Variants in RANBP2 observed in about 807,000 individuals in gnomAD.
The protein encoded by RANBP2 is E3 SUMO-protein ligase RanBP2.
RANBP2 carries 57 observed loss-of-function variants against 303.6 expected under a neutral mutation model. The observed-to-expected ratio is 0.19, with a 90% CI of 0.15 to 0.23. The LOEUF (loss-of-function observed/expected upper bound fraction) is 0.23, where lower values mean the gene tolerates loss of function less well. RANBP2 is among the 10% of genes least tolerant of loss of function. The pLI is 1.00. For missense variants in RANBP2, 3,138 were observed against 3,780.8 expected, an observed-to-expected ratio of 0.83 and a Z score of 4.46; for synonymous variants, 1,167 against 1,301.5, an observed-to-expected ratio of 0.90 and a Z score of 2.23.
the RANBP2 span, among the ~76,000 whole-genome samples, chr2:109,321,138 C>T: frequency 1.3e-5 from 2 of 152,242 alleles, no homozygotes; most frequent in Non-Finnish European, 2.9e-5. Flanking sequence ...ACACACAAGA[C>T]GCCATGTGCA....
At chr2:108,817,745 C>T in the RANBP2 span, among the ~76,000 whole-genome samples, 1 of 152,154 alleles carries the variant, frequency 6.6e-6, no homozygotes, top group South Asian at 2.1e-4. Context: ...AGGAACACAG[C>T]TCTGTATATA....
At chr2:109,064,266 A>G in the RANBP2 span, among the ~76,000 whole-genome samples, 63,550 of 151,570 alleles carry the variant, frequency 0.42, 13,621 homozygotes, top group Middle Eastern at 0.53. Flanking sequence ...TCAGGAGATC[A>G]AGACCACGGT....
chr2:108,831,418 G>A, the RANBP2 span, among the ~76,000 whole-genome samples: 2 of 152,082 alleles, frequency 1.3e-5, no homozygotes, highest in Admixed American at 6.6e-5. Context: ...ATAAGAAAAA[G>A]TACTTTTTTA....
the RANBP2 span, among the ~76,000 whole-genome samples, chr2:108,954,490 G>T: frequency 6.6e-6 from 1 of 152,050 alleles, no homozygotes; most frequent in Non-Finnish European, 1.5e-5. Context: ...CTTGGAAAAG[G>T]CTCCCCACCC....
chr2:109,301,360 A>G, the RANBP2 span, among the ~76,000 whole-genome samples: 1 of 141,094 alleles, frequency 7.1e-6, no homozygotes, highest in African/African-American at 2.6e-5. Context: ...GTGTTTGTGT[A>G]TGTTTTGTGT....
At chr2:109,270,749 T>C in the RANBP2 span, among the ~76,000 whole-genome samples, 2 of 152,190 alleles carry the variant, frequency 1.3e-5, no homozygotes, top group African/African-American at 4.8e-5. Flanking sequence ...CTTATGTAGA[T>C]TGACCTTTCT....
At chr2:108,748,475 C>A (rs1675565865) in intron 8 of RANBP2, among the ~76,000 whole-genome samples, 1 of 151,220 alleles carries the variant, frequency 6.6e-6, no homozygotes, top group African/African-American at 2.4e-5. Context: ...CCCAGCTTGG[C>A]CTCCCAAAGT....
chr2:109,545,423 A>C, the RANBP2 span: 1 of 1,536,012 alleles, frequency 6.5e-7, no homozygotes, highest in Non-Finnish European at 8.7e-7. Flanking sequence ...TCCACATGCT[A>C]CTCATGGCTG....
Position 108,738,697 on chromosome 2 carries a change from T to C in RANBP2, c.783-1792T>C, listed in dbSNP as rs181412397. Among the ~76,000 whole-genome samples the C allele has an allele frequency of 3.2e-3, 480 of 150,908 alleles. 2 individuals carry two copies. Among genetic ancestry groups the C allele is most frequent in the African/African-American group, 0.011 (437 of 41,038 alleles). ...AGGCTAGAGTGCAACAGTGTGATCT[T>C]GGATCACTGCAACCTCTGCTTCCCA... On this transcript the variant is annotated intron_variant, in intron 6 of 28. Transcript: ENST00000283195.
the RANBP2 span, among the ~76,000 whole-genome samples, chr2:109,422,088 C>T: frequency 3.9e-5 from 6 of 152,150 alleles, 1 homozygote; most frequent in South Asian, 2.1e-4. Context: ...GGCAAGTACC[C>T]GGGGTGGGGG....
At chr2:109,180,439 G>A in the RANBP2 span, among the ~76,000 whole-genome samples, 3 of 152,166 alleles carry the variant, frequency 2.0e-5, no homozygotes, top group African/African-American at 7.2e-5. Context: ...CTCCTCAGGG[G>A]TCAGGTGACT....
the RANBP2 span, among the ~76,000 whole-genome samples, chr2:109,416,920 A>AC: frequency 2.0e-5 from 3 of 151,662 alleles, no homozygotes; most frequent in East Asian, 5.8e-4. Flanking sequence ...AAAAAAAAAA[A>AC]AAAAGAATTG....
the RANBP2 span, among the ~76,000 whole-genome samples, chr2:108,802,891 G>C: frequency 6.6e-6 from 1 of 152,172 alleles, no homozygotes; most frequent in Non-Finnish European, 1.5e-5. Context: ...AGATAATCAC[G>C]TGGTTTTTGT....
chr2:109,312,766 T>G, the RANBP2 span, among the ~76,000 whole-genome samples: 3 of 152,232 alleles, frequency 2.0e-5, no homozygotes, highest in Admixed American at 6.5e-5. Flanking sequence ...GTTTATCCAT[T>G]CATCTGCTGA....
the RANBP2 span, among the ~76,000 whole-genome samples, chr2:108,862,329 G>A: frequency 6.6e-6 from 1 of 152,142 alleles, no homozygotes; most frequent in Non-Finnish European, 1.5e-5. Flanking sequence ...AAAGCATTGT[G>A]TTTACAGTGC....
the RANBP2 span, among the ~76,000 whole-genome samples, chr2:109,520,902 A>AC: frequency 1.4e-5 from 2 of 139,844 alleles, no homozygotes; most frequent in Non-Finnish European, 3.2e-5. Flanking sequence ...ACTGCATTCT[A>AC]TCTAGCCTAG....
At chr2:109,243,210 G>T in the RANBP2 span, among the ~76,000 whole-genome samples, 1 of 152,220 alleles carries the variant, frequency 6.6e-6, no homozygotes, top group South Asian at 2.1e-4. Context: ...TAGCTGAGAG[G>T]TCTGCAGATC....
chr2:109,731,081 C>A, the RANBP2 span, among the ~76,000 whole-genome samples: 1 of 152,066 alleles, frequency 6.6e-6, no homozygotes, highest in Non-Finnish European at 1.5e-5. Flanking sequence ...AGCCACCGCG[C>A]CCGGCCAAGG....
the RANBP2 span, among the ~76,000 whole-genome samples, chr2:109,587,552 C>T: frequency 6.6e-6 from 1 of 152,138 alleles, no homozygotes; most frequent in East Asian, 1.9e-4. Flanking sequence ...CAGCAAACTA[C>T]AAACAGGAAA....
Sources: gnomAD v4.1 joint callset for allele counts (sites outside exome capture counted in the v4.1 genomes callset) on GRCh38, gnomAD v4.1.1 for gene constraint, MANE v1.5 for transcripts, NCBI Gene and HGNC (gene_info 2026-07-23, HGNC 2026-07-21) for gene names.